The following EDNRA variants were observed in gnomAD, a reference collection of about 807,000 sequenced individuals.
EDNRA encodes endothelin receptor type A, also known as endothelin-1 receptor.
Under a neutral mutation model 41.4 loss-of-function variants are expected in EDNRA, and 11 were observed. The observed-to-expected ratio is 0.27, with a 90% CI of 0.17 to 0.44. The LOEUF (loss-of-function observed/expected upper bound fraction) is 0.44, where lower values mean the gene tolerates loss of function less well. Among genes scored for constraint, EDNRA ranks in the 20% least tolerant of loss-of-function variants. EDNRA has a pLI of 1.00. For missense variants in EDNRA, 294 were observed against 531.0 expected (o/e 0.55, Z 4.39); for synonymous variants, 172 against 183.0 (o/e 0.94, Z 0.49).
intron 2 of EDNRA, chr4:147,506,707 A>C: frequency 3.0e-6 from 1 of 338,720 alleles, no homozygotes; most frequent in Non-Finnish European, 5.8e-6. Flanking sequence ...ATCCACAAAA[A>C]CACGTGGGAG....
chr4:147,509,346 A>G lies in EDNRA; in HGVS notation c.421-10505A>G, dbSNP rs140944876. Among the ~76,000 whole-genome samples the G allele has an allele frequency of 1.4e-3, 210 of 152,340 alleles. 2 individuals carry two copies. The East Asian group carries it at 0.018, about 13-fold the overall frequency. On this transcript the variant is annotated intron_variant, in intron 2 of 7. Coordinates refer to ENST00000651419, the MANE Select transcript of EDNRA (RefSeq NM_001957.4). ...GTTTACCTACCATTGCTTTTGTACTAACAGTGCAAATGTCAACCAGTGAAA... is the reference window on the plus strand; with the variant it reads ...GTTTACCTACCATTGCTTTTGTACTGACAGTGCAAATGTCAACCAGTGAAA...
intron 3 of EDNRA, among the ~76,000 whole-genome samples, chr4:147,527,770 G>A (rs1330710904): frequency 6.6e-6 from 1 of 151,894 alleles, no homozygotes; most frequent in African/African-American, 2.4e-5. Context: ...TTTTATTTTG[G>A]CCTATCACAT....
chr4:147,533,581 T>C (rs1730823763), intron 4 of EDNRA, among the ~76,000 whole-genome samples: 1 of 152,344 alleles, frequency 6.6e-6, no homozygotes, highest in Middle Eastern at 3.4e-3. Context: ...TGACCAGTTA[T>C]CCTGCTTGGA....
chr4:147,501,828 T>A (rs548227477), intron 2 of EDNRA, among the ~76,000 whole-genome samples: 1 of 152,344 alleles, frequency 6.6e-6, no homozygotes, highest in South Asian at 2.1e-4. Context: ...CATATGCATG[T>A]CATGTTTATA....
intron 1 of EDNRA, among the ~76,000 whole-genome samples, chr4:147,484,444 G>C (rs1422386673): frequency 6.6e-6 from 1 of 152,162 alleles, no homozygotes; most frequent in East Asian, 1.9e-4. Flanking sequence ...GAGTTGGACT[G>C]ACCTGCCTTA....
At chr4:147,504,617 A>G (rs1006429104) in intron 2 of EDNRA, among the ~76,000 whole-genome samples, 13 of 152,198 alleles carry the variant, frequency 8.5e-5, no homozygotes, top group African/African-American at 3.1e-4. Flanking sequence ...GGACCTTATC[A>G]AAATCAAAAA....
At chr4:147,513,536 A>T (rs10305895) in intron 2 of EDNRA, among the ~76,000 whole-genome samples, 1 of 151,984 alleles carries the variant, frequency 6.6e-6, no homozygotes, top group African/African-American at 2.4e-5. Flanking sequence ...CTTTATAATC[A>T]TCTCAGTCTG....
rs554466675 is a variant in EDNRA at position 147,492,082 on chromosome 4, C to T, written c.420+5981C>T. 11 of 152,408 alleles carry T rather than the reference C, an allele frequency of 7.2e-5. No individual in the cohort carries two copies. In the South Asian group the frequency reaches 8.3e-4, roughly 11 times the overall value. The allele number at this position is 152,408 out of a possible 1,614,324, so 9.4% of individuals were successfully genotyped here. A position where few individuals can be genotyped will look rare whatever the true frequency, so the allele number is the denominator to read the frequency against. On this transcript the variant is annotated intron_variant, in intron 2 of 7. Transcript: ENST00000651419. ...GCTTCTTCCACTTTATTCCTTGGAT[C>T]TCAGCTTAATCATCTCTTTGGCAAG...
At position 147,543,726 on chromosome 4, in the gene EDNRA, T is replaced by G. The variant is rs1731192354; in HGVS notation, c.*1108T>G. On this transcript the variant is annotated 3_prime_UTR_variant, in exon 8 of 8. Transcript: ENST00000651419. ...ATGTTAACTGGCAGTAAGTCTTTTT[T>G]GATCATTCCCTTTTCCATATAGGAA... The G allele has an allele frequency of 1.3e-5, 2 of 152,668 alleles. No homozygotes were observed. Among genetic ancestry groups the G allele is most frequent in the Non-Finnish European group, 2.9e-5 (2 of 68,040 alleles). 9.5% of individuals were successfully genotyped at this position (152,668 alleles called of 1,614,324 possible).
rs947072059 is a variant in EDNRA at position 147,511,221 on chromosome 4, T to G, written c.421-8630T>G. On this transcript the variant is annotated intron_variant, in intron 2 of 7. Transcript: ENST00000651419. ...TAGTGAATTATTAAAATGTATGCCATTCTTATCTGAAGTTTCATAATATGA... is the reference window on the plus strand; with the variant it reads ...TAGTGAATTATTAAAATGTATGCCAGTCTTATCTGAAGTTTCATAATATGA... Among the ~76,000 whole-genome samples the G allele has an allele frequency of 5.3e-5, 8 of 152,322 alleles. No individual in the cohort carries two copies. The East Asian group carries it at 1.5e-3, about 29-fold the overall frequency.
intron 2 of EDNRA, among the ~76,000 whole-genome samples, chr4:147,503,361 C>G (rs1375338920): frequency 6.6e-6 from 1 of 152,034 alleles, no homozygotes; most frequent in Non-Finnish European, 1.5e-5. Context: ...CACTCTCAAT[C>G]TACTGAGCTT....
chr4:147,542,710 C>T lies in EDNRA; in HGVS notation c.*92C>T. On this transcript the variant is annotated 3_prime_UTR_variant, in exon 8 of 8. Coordinates refer to ENST00000651419, the MANE Select transcript of EDNRA (RefSeq NM_001957.4). The stretch of plus-strand genomic sequence containing the variant: ...TGAGTCCGGGAATCTCTTCTCTGAT[C>T]CTTCTTCCTTAATTCACTCCCACAC... The T allele has an allele frequency of 6.7e-7, 1 of 1,496,568 alleles. No homozygotes were observed. Among genetic ancestry groups the T allele is most frequent in the African/African-American group, 1.4e-5 (1 of 72,622 alleles). 92.7% of individuals were successfully genotyped at this position (1,496,568 alleles called of 1,614,324 possible).
intron 5 of EDNRA, among the ~76,000 whole-genome samples, chr4:147,539,066 C>T (rs1445107744): frequency 1.3e-5 from 2 of 152,012 alleles, no homozygotes; most frequent in Non-Finnish European, 2.9e-5. Flanking sequence ...TGCAAACCTT[C>T]CATGAAGTCC....
intron 2 of EDNRA, chr4:147,505,969 A>G (rs1041662964): frequency 1.9e-5 from 6 of 323,556 alleles, no homozygotes; most frequent in African/African-American, 1.1e-4. Context: ...ATAAAACTAA[A>G]TATGCAATTA....
At chr4:147,527,579 A>G (rs1270581000) in intron 3 of EDNRA, among the ~76,000 whole-genome samples, 1 of 152,176 alleles carries the variant, frequency 6.6e-6, no homozygotes, top group Non-Finnish European at 1.5e-5. Flanking sequence ...GTTTTATTTT[A>G]TAATGTTTTA....
chr4:147,529,488 T>G (rs1357607689), intron 3 of EDNRA, among the ~76,000 whole-genome samples: 3 of 152,084 alleles, frequency 2.0e-5, no homozygotes, highest in Non-Finnish European at 2.9e-5. Context: ...TAAGAATTTG[T>G]GGAGAAAGCG....
chr4:147,519,525 T>C lies in EDNRA; in HGVS notation c.421-326T>C, dbSNP rs1730239079. ...ACATCTCTTCTGTTATTAAATTGTATTATATAACTATAATATATTTAATAT... is the reference window on the plus strand; with the variant it reads ...ACATCTCTTCTGTTATTAAATTGTACTATATAACTATAATATATTTAATAT... On this transcript the variant is annotated intron_variant, in intron 2 of 7. Transcript: ENST00000651419. This position sits in a 1 kb window ranked among gnomAD's most constrained non-coding sequence, Gnocchi z 4.1. Among the ~76,000 whole-genome samples, 1 of 149,570 alleles carries C rather than the reference T, an allele frequency of 6.7e-6. No homozygotes were observed. The highest frequency in any genetic ancestry group is 1.5e-5 in the Non-Finnish European group (1 of 67,508).
chr4:147,539,479 C>T (rs532620049), intron 5 of EDNRA, among the ~76,000 whole-genome samples: 2 of 152,108 alleles, frequency 1.3e-5, no homozygotes, highest in East Asian at 1.9e-4. Context: ...CACAGGCAGA[C>T]TCAGCCACCT....
Position 147,542,785 on chromosome 4 carries a change from C to A in EDNRA, c.*167C>A. 1.4e-6 allele frequency: 1 copy of A among 738,980 alleles called. No homozygotes were observed. Among genetic ancestry groups the A allele is most frequent in the South Asian group, 2.3e-5 (1 of 43,614 alleles). 45.8% of individuals were successfully genotyped at this position (738,980 alleles called of 1,614,324 possible). A position where few individuals can be genotyped will look rare whatever the true frequency, so the allele number is the denominator to read the frequency against. ...CGCAAGGGTAGACTGGTTTATCCAC[C>A]CACAACATCTACGAATCGTACTTCT... On this transcript the variant is annotated 3_prime_UTR_variant, in exon 8 of 8. Transcript: ENST00000651419.
Sources: gnomAD v4.1 joint callset for allele counts (sites outside exome capture counted in the v4.1 genomes callset) on GRCh38, gnomAD v4.1.1 for gene constraint, Gnocchi (gnomAD v3.1) non-coding constraint, MANE v1.5 for transcripts, NCBI Gene and HGNC (gene_info 2026-07-23, HGNC 2026-07-21) for gene names.